The following MECOM variants were observed in gnomAD, a reference collection of about 807,000 sequenced individuals.
MECOM encodes the protein histone-lysine N-methyltransferase MECOM.
Under a neutral mutation model 116.3 loss-of-function variants are expected in MECOM, and 13 were observed. The observed-to-expected ratio is 0.11, with a 90% CI of 0.07 to 0.18. The LOEUF is 0.18. MECOM is among the 10% of genes least tolerant of loss of function. MECOM has a pLI of 1.00. For synonymous variants in MECOM, 528 were observed against 535.2 expected (o/e 0.99, Z 0.19); for missense variants, 1,299 against 1,509.0 (o/e 0.86, Z 2.31).
chr3:169,298,652 A>G (rs1202272740), intron 2 of MECOM, among the ~76,000 whole-genome samples: 1 of 152,204 alleles, frequency 6.6e-6, no homozygotes. Context: ...TAAGAATCAA[A>G]TTCAATCACA....
chr3:169,104,544 T>TA (rs1724699613), intron 10 of MECOM, among the ~76,000 whole-genome samples: 1 of 152,190 alleles, frequency 6.6e-6, no homozygotes, highest in South Asian at 2.1e-4. Context: ...GGGTAATGAT[T>TA]ATAAATGTTT....
intron 2 of MECOM, among the ~76,000 whole-genome samples, chr3:169,167,146 TA>T (rs1743721447): frequency 6.6e-6 from 1 of 152,188 alleles, no homozygotes; most frequent in African/African-American, 2.4e-5. Context: ...GGCTAATTTT[TA>T]AAAAAATTTT....
intron 15 of MECOM, 94 bp from the exon 16 acceptor site, chr3:169,089,277 C>T (rs1718890973): frequency 1.1e-6 from 1 of 891,152 alleles, no homozygotes; most frequent in South Asian, 3.7e-5. Flanking sequence ...AACTGACAAA[C>T]TTCATATTGT....
At chr3:169,214,679 T>A (rs187164997) in intron 2 of MECOM, among the ~76,000 whole-genome samples, 52 of 151,622 alleles carry the variant, frequency 3.4e-4, no homozygotes, top group Admixed American at 8.5e-4. Flanking sequence ...CCTAGATTTT[T>A]AATAAACATA....
chr3:169,115,401 A>C lies in MECOM; in HGVS notation c.2471T>G (p.Phe824Cys), dbSNP rs768611335. The C allele has an allele frequency of 2.5e-6, 4 of 1,613,870 alleles. No homozygotes were observed. The highest frequency in any genetic ancestry group is 3.3e-5 in the Admixed American group (2 of 59,988). The stretch of plus-strand genomic sequence containing the variant: ...CGCTTACCTGTAAATAGGGTCCATA[A>C]AGAAAGGAGTGGGTCTTGCATGCTG... ...SLQHARPTPF[F>C]MDPIYRVEKR... Residue 824 changes from phenylalanine (F) to cysteine (C), a missense_variant, in exon 8 of 17, where the codon TTT becomes TGT. Physicochemically the swap from Phe to Cys is radical, Grantham distance 205. This residue lies in a region of MECOM where 340 missense variants were observed against 312.6 expected (regional missense o/e 1.09). Transcript: ENST00000651503.
intron 2 of MECOM, among the ~76,000 whole-genome samples, chr3:169,248,946 G>A (rs543463733): frequency 6.6e-6 from 1 of 152,118 alleles, no homozygotes; most frequent in South Asian, 2.1e-4. Flanking sequence ...GTGGTACTCT[G>A]TTGGGACAGC....
At chr3:169,443,346 C>A (rs1055349166) in intron 1 of MECOM, among the ~76,000 whole-genome samples, 1 of 151,936 alleles carries the variant, frequency 6.6e-6, no homozygotes, top group Non-Finnish European at 1.5e-5. Flanking sequence ...GTGTTTAAGG[C>A]GCTGCACTAC....
intron 2 of MECOM, among the ~76,000 whole-genome samples, chr3:169,347,155 A>C (rs1453509760): frequency 6.6e-6 from 1 of 152,086 alleles, no homozygotes; most frequent in African/African-American, 2.4e-5. Context: ...AAAGAGAAAC[A>C]ACATATATGC....
At chr3:169,344,053 ATAT>A (rs1724974154) in intron 2 of MECOM, among the ~76,000 whole-genome samples, 4 of 152,182 alleles carry the variant, frequency 2.6e-5, no homozygotes, top group African/African-American at 7.2e-5. Flanking sequence ...ATTTTGATAA[ATAT>A]TATAAATATT....
intron 1 of MECOM, among the ~76,000 whole-genome samples, chr3:169,525,718 G>A (rs1457898412): frequency 6.6e-6 from 1 of 152,158 alleles, no homozygotes; most frequent in African/African-American, 2.4e-5. Flanking sequence ...TCAGAAACAG[G>A]TGGCTCTTTG....
intron 1 of MECOM, among the ~76,000 whole-genome samples, chr3:169,490,247 T>C (rs7625686): frequency 0.73 from 110,398 of 151,982 alleles, 40,787 homozygotes; most frequent in African/African-American, 0.88. Context: ...TGAATCACTC[T>C]TATTAGGAGT....
intron 3 of MECOM, among the ~76,000 whole-genome samples, chr3:169,143,171 AT>A (rs2149283355): frequency 6.6e-6 from 1 of 152,204 alleles, no homozygotes; most frequent in South Asian, 2.1e-4. Flanking sequence ...ACTTTTTAAC[AT>A]ATACCAAAAA....
chr3:169,143,451 A>T (rs1738734606), intron 3 of MECOM, among the ~76,000 whole-genome samples: 1 of 152,266 alleles, frequency 6.6e-6, no homozygotes, highest in East Asian at 1.9e-4. Flanking sequence ...TAAATCAGTC[A>T]CACCAAGAAA....
intron 2 of MECOM, among the ~76,000 whole-genome samples, chr3:169,302,110 T>C (rs1007433381): frequency 2.2e-4 from 33 of 152,168 alleles, no homozygotes; most frequent in South Asian, 2.1e-4. Context: ...TTAAACACAA[T>C]TGGGGCCCGA....
intron 3 of MECOM, chr3:169,133,942 C>T: frequency 7.8e-7 from 1 of 1,289,518 alleles, no homozygotes; most frequent in Non-Finnish European, 1.0e-6. Context: ...AAAGGTTTAA[C>T]TTATTAGCTT....
At chr3:169,300,936 A>T (rs1716589646) in intron 2 of MECOM, among the ~76,000 whole-genome samples, 1 of 152,190 alleles carries the variant, frequency 6.6e-6, no homozygotes, top group African/African-American at 2.4e-5. Context: ...TTCGCTCAAT[A>T]AGTGGCCCTA....
chr3:169,092,733 G>A lies in MECOM; in HGVS notation c.3164+225C>T, dbSNP rs146033109. 2.8e-3 allele frequency among the ~76,000 whole-genome samples: 428 copies of A among 152,054 alleles called. 3 individuals carry two copies. The highest frequency in any genetic ancestry group is 9.6e-3 in the African/African-American group (399 of 41,480). On this transcript the variant is annotated intron_variant, in intron 14 of 16. Coordinates refer to ENST00000651503, the MANE Select transcript of MECOM (RefSeq NM_004991.4). ...GCTTCAATGTCTCCATTCCTTCACTGCTAAAATTATAGTGGCTATCTCATA... is the reference window on the plus strand; with the variant it reads ...GCTTCAATGTCTCCATTCCTTCACTACTAAAATTATAGTGGCTATCTCATA...
chr3:169,125,538 A>G (rs1435236594), intron 5 of MECOM, among the ~76,000 whole-genome samples: 2 of 152,156 alleles, frequency 1.3e-5, no homozygotes, highest in Admixed American at 1.3e-4. Flanking sequence ...AAAAGATAAC[A>G]AAGCAAAAGG....
intron 1 of MECOM, among the ~76,000 whole-genome samples, chr3:169,405,649 G>T (rs897468950): frequency 6.6e-6 from 1 of 152,158 alleles, no homozygotes; most frequent in Non-Finnish European, 1.5e-5. Flanking sequence ...TAGTGTACTT[G>T]CAGCAAACAA....
Sources: allele counts gnomAD v4.1 joint callset (sites outside exome capture counted in the v4.1 genomes callset), GRCh38; gene constraint gnomAD v4.1.1; regional missense constraint gnomAD v4.1.1; transcripts MANE v1.5; gene names NCBI Gene and HGNC (gene_info 2026-07-23, HGNC 2026-07-21).